THADA: variants seen among roughly 807,000 people sequenced by gnomAD.
The protein encoded by THADA is tRNA (32-2'-O)-methyltransferase regulator THADA.
In THADA, 213 loss-of-function variants were observed where a neutral mutation model predicts 219.8. The observed-to-expected ratio is 0.97, with a 90% CI of 0.87 to 1.09. The LOEUF (loss-of-function observed/expected upper bound fraction) is 1.09. Among genes scored for constraint, THADA ranks in the 50% least tolerant of loss-of-function variants. THADA has a pLI of 0.00. For missense variants in THADA, 2,956 were observed against 2,311.3 expected, an observed-to-expected ratio of 1.28 and a Z score of -5.72; for synonymous variants, 1,018 against 828.9, an observed-to-expected ratio of 1.23 and a Z score of -3.92.
intron 29 of THADA, among the ~76,000 whole-genome samples, chr2:43,381,128 AAAAC>A (rs1558667314): frequency 6.6e-6 from 1 of 150,854 alleles, no homozygotes; most frequent in Non-Finnish European, 1.5e-5. Context: ...AAAAGGAAGA[AAAAC>A]AAACAAACTG....
intron 36 of THADA, among the ~76,000 whole-genome samples, chr2:43,263,884 C>G: frequency 6.6e-6 from 1 of 152,218 alleles, no homozygotes; most frequent in Middle Eastern, 3.4e-3. Context: ...CATGCTCTCC[C>G]TCCTCTCACC....
intron 36 of THADA, among the ~76,000 whole-genome samples, chr2:43,267,572 C>T (rs1214159071): frequency 2.0e-5 from 3 of 152,180 alleles, no homozygotes; most frequent in Middle Eastern, 3.2e-3. Context: ...TGGCAGATGA[C>T]GAGGGCCTGG....
At chr2:43,299,061 C>T (rs1675937219) in intron 31 of THADA, among the ~76,000 whole-genome samples, 1 of 151,866 alleles carries the variant, frequency 6.6e-6, no homozygotes, top group African/African-American at 2.4e-5. Flanking sequence ...ATTCAGTGTC[C>T]CCAAGGGAAA....
chr2:43,418,430 C>T (rs150616674), intron 28 of THADA, among the ~76,000 whole-genome samples: 1 of 151,930 alleles, frequency 6.6e-6, no homozygotes, highest in Non-Finnish European at 1.5e-5. Context: ...CTCTGTGCCA[C>T]CCTGAGTCCT....
intron 31 of THADA, among the ~76,000 whole-genome samples, chr2:43,308,778 A>C (rs916216441): frequency 1.3e-5 from 2 of 150,596 alleles, no homozygotes; most frequent in Admixed American, 1.3e-4. Flanking sequence ...AAAAAAAAAA[A>C]AAAAAAGAAT....
intron 36 of THADA, among the ~76,000 whole-genome samples, chr2:43,244,161 C>G (rs554354471): frequency 6.6e-6 from 1 of 152,006 alleles, no homozygotes; most frequent in Non-Finnish European, 1.5e-5. Flanking sequence ...ATGGACACAG[C>G]CAATATGAAT....
At chr2:43,231,584 C>T (rs1667426529) in intron 37 of THADA, among the ~76,000 whole-genome samples, 1 of 152,118 alleles carries the variant, frequency 6.6e-6, no homozygotes, top group African/African-American at 2.4e-5. Flanking sequence ...CTTAACATGA[C>T]CTTGGATAAA....
chr2:43,422,329 G>C (rs1677814423), intron 28 of THADA, among the ~76,000 whole-genome samples: 1 of 152,178 alleles, frequency 6.6e-6, no homozygotes, highest in Non-Finnish European at 1.5e-5. Flanking sequence ...TTGCCACTAA[G>C]TCTTCTCCAG....
chr2:43,384,256 G>C lies in THADA; in HGVS notation c.4227+13715C>G, dbSNP rs145859847. Among the ~76,000 whole-genome samples, 138 of 152,270 alleles carry C rather than the reference G, an allele frequency of 9.1e-4. 1 individual carries two copies. The highest frequency in any genetic ancestry group is 3.0e-3 in the African/African-American group (126 of 41,540). On this transcript the variant is annotated intron_variant, in intron 29 of 37. Coordinates refer to ENST00000405975, the MANE Select transcript of THADA (RefSeq NM_022065.5). ...GAATAGAAGAAGTGATGATCTTCAAGACACATTTACTGAACAATATAGTCC... is the reference window on the plus strand; with the variant it reads ...GAATAGAAGAAGTGATGATCTTCAACACACATTTACTGAACAATATAGTCC...
At chr2:43,511,191 A>G (rs1690392806) in intron 22 of THADA, among the ~76,000 whole-genome samples, 2 of 152,136 alleles carry the variant, frequency 1.3e-5, no homozygotes, top group African/African-American at 4.8e-5. Flanking sequence ...CGTCTCCTGT[A>G]GGGGATTTGC....
chr2:43,285,368 C>G (rs572204365), intron 35 of THADA, among the ~76,000 whole-genome samples: 2 of 152,224 alleles, frequency 1.3e-5, no homozygotes, highest in South Asian at 4.2e-4. Flanking sequence ...CTTATGAGAT[C>G]TGATGGTTTT....
intron 34 of THADA, among the ~76,000 whole-genome samples, chr2:43,290,299 T>C (rs1035018839): frequency 1.1e-4 from 16 of 151,692 alleles, no homozygotes; most frequent in Middle Eastern, 6.8e-3. Context: ...TCCTGGGCTA[T>C]AGTTTTTAGC....
At chr2:43,371,991 A>G (rs1670862295) in intron 29 of THADA, 2 of 152,170 alleles carry the variant, frequency 1.3e-5, no homozygotes, top group East Asian at 1.9e-4. Flanking sequence ...GATGGTTGGG[A>G]TAACTCGTTC....
At chr2:43,303,815 G>A (rs1676533056) in intron 31 of THADA, among the ~76,000 whole-genome samples, 1 of 152,154 alleles carries the variant, frequency 6.6e-6, no homozygotes, top group Non-Finnish European at 1.5e-5. Context: ...ATGTAGGGTT[G>A]CTGTACTGTT....
intron 9 of THADA, 88 bp downstream of exon 9, chr2:43,578,425 G>T: frequency 1.1e-6 from 1 of 932,862 alleles, no homozygotes; most frequent in Non-Finnish European, 1.6e-6. Context: ...GGGATTATAA[G>T]TGTGAGCCAC....
At chr2:43,347,226 A>G (rs1667729485) in intron 29 of THADA, among the ~76,000 whole-genome samples, 1 of 152,224 alleles carries the variant, frequency 6.6e-6, no homozygotes, top group African/African-American at 2.4e-5. Context: ...CTGTTTCTCC[A>G]TGGTAAATGG....
At chr2:43,399,322 T>G (rs922506187) in intron 28 of THADA, among the ~76,000 whole-genome samples, 3 of 152,214 alleles carry the variant, frequency 2.0e-5, no homozygotes, top group African/African-American at 4.8e-5. Flanking sequence ...AATCTGTGTT[T>G]ACAAAGGAAT....
In THADA at chr2:43,306,683, G is replaced by A. The variant is rs1676902413; in HGVS notation, c.4439-13470C>T. On this transcript the variant is annotated intron_variant, in intron 31 of 37. Coordinates refer to ENST00000405975, the MANE Select transcript of THADA (RefSeq NM_022065.5). ...ATGTTGCAAGGTGCAGTATACAGCT[G>A]CTAGCAAAATCCAACAAAATCTGGT... 2.6e-5 allele frequency among the ~76,000 whole-genome samples: 4 copies of A among 152,190 alleles called. No homozygotes were observed. The South Asian group carries it at 8.3e-4, about 32-fold the overall frequency.
At chr2:43,477,243 T>TGAGA (rs372274663) in intron 26 of THADA, among the ~76,000 whole-genome samples, 46 of 148,408 alleles carry the variant, frequency 3.1e-4, no homozygotes, top group Non-Finnish European at 4.3e-4. Context: ...ATATGTTCTT[T>TGAGA]GAGAGAGAGA....
Sources: allele counts gnomAD v4.1 joint callset (sites outside exome capture counted in the v4.1 genomes callset), GRCh38; gene constraint gnomAD v4.1.1; transcripts MANE v1.5; gene names NCBI Gene and HGNC (gene_info 2026-07-23, HGNC 2026-07-21).